SPOCK3: variants seen among roughly 807,000 people sequenced by gnomAD.
SPOCK3 encodes SPARC (osteonectin), cwcv and kazal like domains proteoglycan 3.
Under a neutral mutation model 56.6 loss-of-function variants are expected in SPOCK3, and 30 were observed. The ratio of observed to expected loss-of-function variants is 0.53; its 90% CI spans 0.40 to 0.72. The LOEUF (loss-of-function observed/expected upper bound fraction) is 0.72, where lower values mean the gene tolerates loss of function less well. Ranked by LOEUF, SPOCK3 falls within the 30% of genes least tolerant of loss-of-function variation. The pLI is 0.00. For synonymous variants in SPOCK3, 196 were observed against 183.3 expected, an observed-to-expected ratio of 1.07 and a Z score of -0.56; for missense variants, 527 against 530.0, an observed-to-expected ratio of 0.99 and a Z score of 0.06.
intron 6 of SPOCK3, among the ~76,000 whole-genome samples, chr4:166,874,585 G>C (rs1483674901): frequency 1.3e-5 from 2 of 152,176 alleles, no homozygotes; most frequent in Non-Finnish European, 2.9e-5. Flanking sequence ...TCTCCTCAAT[G>C]TCAAACTTCA....
In SPOCK3 at chr4:166,750,747, T is replaced by C. The variant is rs564522000; in HGVS notation, c.931+3761A>G. Among the ~76,000 whole-genome samples, 7 of 152,308 alleles carry C rather than the reference T, an allele frequency of 4.6e-5. No homozygotes were observed. In the South Asian group the frequency reaches 1.2e-3, roughly 27 times the overall value. ...AAATTTTGAACTAAAGAAAATGTAA[T>C]TGGGATAAATAAATTTAAAATACGT... is the stretch of plus-strand genomic sequence containing the variant. On this transcript the variant is annotated intron_variant, in intron 8 of 10. Coordinates refer to ENST00000357545, the MANE Select transcript of SPOCK3 (RefSeq NM_001040159.2).
intron 4 of SPOCK3, among the ~76,000 whole-genome samples, chr4:166,958,228 C>T (rs1743730961): frequency 6.6e-6 from 1 of 152,148 alleles, no homozygotes; most frequent in Admixed American, 6.5e-5. Flanking sequence ...CATCTTCCAG[C>T]TTTGCTCTCT....
At chr4:167,191,591 G>A (rs2110849355) in intron 2 of SPOCK3, among the ~76,000 whole-genome samples, 1 of 145,062 alleles carries the variant, frequency 6.9e-6, no homozygotes, top group Middle Eastern at 3.5e-3. Flanking sequence ...TCAGATACTT[G>A]GTAGTAGATT....
At position 167,158,530 on chromosome 4, in the gene SPOCK3, T is replaced by C. The variant is rs1174014022; in HGVS notation, c.189+75455A>G. The stretch of plus-strand genomic sequence containing the variant: ...TATTATACACAAAAGATCATTCTCC[T>C]TACCAGAACACCATTCTCTCTAGAA... On this transcript the variant is annotated intron_variant, in intron 2 of 10. Coordinates refer to ENST00000357545, the MANE Select transcript of SPOCK3 (RefSeq NM_001040159.2). Among the ~76,000 whole-genome samples the C allele has an allele frequency of 2.6e-5, 4 of 151,968 alleles. No homozygotes were observed. In the Admixed American group the frequency reaches 2.6e-4, roughly 10 times the overall value.
chr4:166,783,745 A>G (rs1274986329), intron 7 of SPOCK3, among the ~76,000 whole-genome samples: 11 of 152,022 alleles, frequency 7.2e-5, no homozygotes, highest in Non-Finnish European at 1.6e-4. Context: ...ACTTGTTTTT[A>G]TGTATACTTT....
At chr4:166,947,682 C>G (rs982149378) in intron 4 of SPOCK3, among the ~76,000 whole-genome samples, 1 of 152,092 alleles carries the variant, frequency 6.6e-6, no homozygotes, top group Non-Finnish European at 1.5e-5. Context: ...AAAGATTGTA[C>G]TAAAACATTC....
intron 2 of SPOCK3, chr4:167,119,874 A>T: frequency 1.3e-6 from 2 of 1,521,504 alleles, no homozygotes; most frequent in Non-Finnish European, 8.8e-7. Flanking sequence ...TTTTCTTCTT[A>T]CTAATGCCCC....
chr4:166,862,452 A>G (rs1440313083), intron 6 of SPOCK3, among the ~76,000 whole-genome samples: 2 of 152,150 alleles, frequency 1.3e-5, no homozygotes, highest in Non-Finnish European at 2.9e-5. Flanking sequence ...TTGAGAGAGT[A>G]TAAGAAAAAT....
intron 6 of SPOCK3, among the ~76,000 whole-genome samples, chr4:166,827,981 T>A (rs1045299878): frequency 6.6e-6 from 1 of 152,052 alleles, no homozygotes; most frequent in Admixed American, 6.6e-5. Flanking sequence ...GATTTAAATT[T>A]CTCCAAATCA....
chr4:167,156,499 C>T (rs373893276), intron 2 of SPOCK3, among the ~76,000 whole-genome samples: 7 of 152,164 alleles, frequency 4.6e-5, no homozygotes, highest in African/African-American at 1.2e-4. Flanking sequence ...TGCTTTAGTC[C>T]CCTTTTTGTA....
At chr4:166,945,904 C>G (rs1005499186) in intron 4 of SPOCK3, among the ~76,000 whole-genome samples, 8 of 152,210 alleles carry the variant, frequency 5.3e-5, no homozygotes, top group East Asian at 3.8e-4. Flanking sequence ...CTCCCATACT[C>G]TGCTCCACTT....
intron 3 of SPOCK3, 41 bp from the exon 4 acceptor site, chr4:167,000,504 A>G (rs745532216): frequency 1.0e-6 from 1 of 966,814 alleles, no homozygotes; most frequent in Non-Finnish European, 1.6e-6. Flanking sequence ...AAGCTTCTGT[A>G]AAATGGAGGT....
intron 2 of SPOCK3, among the ~76,000 whole-genome samples, chr4:167,161,433 C>T (rs1053285763): frequency 1.3e-5 from 2 of 152,188 alleles, no homozygotes; most frequent in African/African-American, 4.8e-5. Context: ...CACTTCGACA[C>T]TGTTGGTGGG....
chr4:166,822,568 A>G (rs545389208), intron 6 of SPOCK3, among the ~76,000 whole-genome samples: 1 of 152,208 alleles, frequency 6.6e-6, no homozygotes, highest in South Asian at 2.1e-4. Context: ...GAGAACTGGC[A>G]GCTAAGCTGA....
chr4:167,103,343 G>A (rs948792276), intron 2 of SPOCK3, among the ~76,000 whole-genome samples: 4 of 152,084 alleles, frequency 2.6e-5, no homozygotes, highest in Non-Finnish European at 5.9e-5. Context: ...GTATTTCTAG[G>A]TCTGCCCTGG....
intron 7 of SPOCK3, among the ~76,000 whole-genome samples, chr4:166,777,044 T>A (rs1483451206): frequency 2.6e-5 from 4 of 152,142 alleles, no homozygotes. Flanking sequence ...ATTCTAAAAC[T>A]CAGATACATT....
chr4:167,109,243 TTATTTATTATA>T (rs1471226988), intron 2 of SPOCK3, among the ~76,000 whole-genome samples: 1 of 89,032 alleles, frequency 1.1e-5, no homozygotes, highest in Non-Finnish European at 1.9e-5. Context: ...TATTTAATAT[TTATTTATTATA>T]TATTTATTAT....
chr4:167,205,631 C>CTATATATATTTTCT (rs1734246849), intron 2 of SPOCK3, among the ~76,000 whole-genome samples: 1 of 113,184 alleles, frequency 8.8e-6, no homozygotes, highest in Non-Finnish European at 1.8e-5. Context: ...ATATATTTTC[C>CTATATATATTTTCT]TGAGACGGAG....
intron 2 of SPOCK3, among the ~76,000 whole-genome samples, chr4:167,120,729 T>C (rs939421626): frequency 1.3e-5 from 2 of 152,092 alleles, no homozygotes; most frequent in African/African-American, 4.8e-5. Flanking sequence ...TACATGATTA[T>C]AACTTCATTC....
Sources: allele counts gnomAD v4.1 joint callset (sites outside exome capture counted in the v4.1 genomes callset), GRCh38; gene constraint gnomAD v4.1.1; transcripts MANE v1.5; gene names NCBI Gene and HGNC (gene_info 2026-07-23, HGNC 2026-07-21).